Variants in ANKS1B observed in about 807,000 individuals in gnomAD.
ANKS1B encodes ankyrin repeat and sterile alpha motif domain containing 1B.
In ANKS1B, 36 loss-of-function variants were observed where a neutral mutation model predicts 148.3. The observed-to-expected ratio is 0.24, with a 90% CI of 0.19 to 0.32. ANKS1B has a LOEUF of 0.32. Among genes scored for constraint, ANKS1B ranks in the 10% least tolerant of loss-of-function variants. The pLI is 1.00. For missense variants in ANKS1B, 1,157 were observed against 1,542.6 expected, an observed-to-expected ratio of 0.75 and a Z score of 4.19; for synonymous variants, 542 against 560.8, an observed-to-expected ratio of 0.97 and a Z score of 0.47.
At chr12:99,951,388 C>G (rs906882287) in intron 1 of ANKS1B, among the ~76,000 whole-genome samples, 2 of 152,180 alleles carry the variant, frequency 1.3e-5, no homozygotes. Context: ...CAACCTGTAG[C>G]TATAATAAGG....
intron 1 of ANKS1B, among the ~76,000 whole-genome samples, chr12:99,853,696 A>G (rs558705698): frequency 3.3e-5 from 5 of 152,258 alleles, no homozygotes; most frequent in Admixed American, 3.3e-4. Flanking sequence ...ACACTAGCTC[A>G]CCAGCAATGG....
intron 9 of ANKS1B, among the ~76,000 whole-genome samples, chr12:99,638,798 G>A (rs1018023495): frequency 3.9e-5 from 6 of 152,146 alleles, no homozygotes; most frequent in African/African-American, 9.7e-5. Flanking sequence ...GGGAAAATAC[G>A]GTTTCCTGAG....
At chr12:99,942,099 T>C (rs2094934239) in intron 1 of ANKS1B, among the ~76,000 whole-genome samples, 3 of 152,058 alleles carry the variant, frequency 2.0e-5, no homozygotes, top group African/African-American at 7.2e-5. Flanking sequence ...GGGTGAAACA[T>C]GTAGAACCTT....
At chr12:99,310,503 G>C (rs1260763885) in intron 12 of ANKS1B, among the ~76,000 whole-genome samples, 1 of 152,142 alleles carries the variant, frequency 6.6e-6, no homozygotes, top group Non-Finnish European at 1.5e-5. Flanking sequence ...TATTAGCGAG[G>C]ATTCTTCCTA....
At chr12:99,290,592 T>C (rs568855235) in intron 12 of ANKS1B, among the ~76,000 whole-genome samples, 3 of 152,166 alleles carry the variant, frequency 2.0e-5, no homozygotes, top group African/African-American at 7.2e-5. Context: ...GTTGGATTTA[T>C]CCCTGGAATG....
chr12:99,271,529 T>C (rs1380470721), intron 12 of ANKS1B, among the ~76,000 whole-genome samples: 1 of 151,666 alleles, frequency 6.6e-6, no homozygotes, highest in East Asian at 1.9e-4. Flanking sequence ...CTATTCTGAA[T>C]AGGTGCTCAG....
intron 11 of ANKS1B, among the ~76,000 whole-genome samples, chr12:99,433,250 T>C (rs1396459781): frequency 6.6e-6 from 1 of 152,112 alleles, no homozygotes; most frequent in African/African-American, 2.4e-5. Context: ...ATGAGAGTCA[T>C]ATCTGTTAAT....
rs571962280 is a variant in ANKS1B, at chr12:99,156,169, T to C, written c.2420-1774A>G. 2.6e-5 allele frequency among the ~76,000 whole-genome samples: 4 copies of C among 152,282 alleles called. No individual in the cohort carries two copies. The East Asian group carries it at 7.7e-4, about 29-fold the overall frequency. Reference sequence around the variant, plus strand: ...AGACATTAAACCTCAAAACATCTTCTACTCCTCTTTCACTACTGAAATCAG... The same window carrying C: ...AGACATTAAACCTCAAAACATCTTCCACTCCTCTTTCACTACTGAAATCAG... On this transcript the variant is annotated intron_variant, in intron 14 of 26. Coordinates refer to ENST00000683438, the MANE Select transcript of ANKS1B (RefSeq NM_001352186.2).
intron 9 of ANKS1B, chr12:99,648,918 G>A: frequency 7.6e-7 from 1 of 1,310,520 alleles, no homozygotes; most frequent in African/African-American, 1.5e-5. Flanking sequence ...AAGGCCAAAT[G>A]AGCTTCCATT....
At chr12:99,870,089 C>T (rs148784635) in intron 1 of ANKS1B, among the ~76,000 whole-genome samples, 338 of 152,230 alleles carry the variant, frequency 2.2e-3, no homozygotes, top group African/African-American at 6.0e-3. Context: ...ACTCTTGCTC[C>T]GCCGTCACTC....
chr12:99,974,702 C>T (rs149961998), intron 1 of ANKS1B, among the ~76,000 whole-genome samples: 30 of 152,050 alleles, frequency 2.0e-4, no homozygotes, highest in South Asian at 4.1e-4. Flanking sequence ...AACAGCAAGG[C>T]AGGAGGATCA....
chr12:99,813,027 G>A (rs1289144845), intron 2 of ANKS1B, among the ~76,000 whole-genome samples: 1 of 151,624 alleles, frequency 6.6e-6, no homozygotes, highest in African/African-American at 2.4e-5. Context: ...AGTATTCCTT[G>A]TTCCTACTTC....
intron 17 of ANKS1B, among the ~76,000 whole-genome samples, chr12:98,874,843 C>T (rs140139361): frequency 1.3e-5 from 2 of 152,070 alleles, no homozygotes; most frequent in Non-Finnish European, 2.9e-5. Flanking sequence ...ACTTGAACTG[C>T]AATACAGATA....
intron 9 of ANKS1B, among the ~76,000 whole-genome samples, chr12:99,579,191 A>T (rs1025900969): frequency 7.9e-5 from 12 of 152,238 alleles, no homozygotes; most frequent in Non-Finnish European, 1.8e-4. Context: ...TATATACAAA[A>T]GTCAACTCGA....
At chr12:99,145,954 G>C (rs1367572165) in intron 15 of ANKS1B, among the ~76,000 whole-genome samples, 5 of 151,926 alleles carry the variant, frequency 3.3e-5, no homozygotes, top group Non-Finnish European at 1.5e-5. Context: ...GAACTATATA[G>C]AATTATGGGT....
At chr12:99,426,640 A>C (rs1370661231) in intron 11 of ANKS1B, among the ~76,000 whole-genome samples, 1 of 152,216 alleles carries the variant, frequency 6.6e-6, no homozygotes, top group African/African-American at 2.4e-5. Context: ...TAATGTAATT[A>C]ATATACTTTC....
chr12:99,522,318 A>G (rs1416613064), intron 9 of ANKS1B, among the ~76,000 whole-genome samples: 3 of 152,284 alleles, frequency 2.0e-5, no homozygotes, highest in East Asian at 3.9e-4. Context: ...TCCAATGGGA[A>G]TGAATAGCTT....
At chr12:99,419,207 A>C (rs1407818196) in intron 11 of ANKS1B, among the ~76,000 whole-genome samples, 1 of 152,170 alleles carries the variant, frequency 6.6e-6, no homozygotes, top group African/African-American at 2.4e-5. Context: ...AAATGTTGTT[A>C]TAATTCTCCA....
At chr12:98,772,971 G>T in intron 25 of ANKS1B, 71 bp downstream of exon 25, 2 of 1,544,992 alleles carry the variant, frequency 1.3e-6, no homozygotes, top group Non-Finnish European at 1.8e-6. Flanking sequence ...TTAATTATAA[G>T]TTGGGCTTTC....
Sources: allele counts gnomAD v4.1 joint callset (sites outside exome capture counted in the v4.1 genomes callset), GRCh38; gene constraint gnomAD v4.1.1; transcripts MANE v1.5; gene names NCBI Gene and HGNC (gene_info 2026-07-23, HGNC 2026-07-21).